HECW2: variants seen among roughly 807,000 people sequenced by gnomAD.
HECW2 encodes the protein E3 ubiquitin-protein ligase HECW2.
Under a neutral mutation model 175.2 loss-of-function variants are expected in HECW2, and 61 were observed. That is an observed-to-expected ratio of 0.35 (90% CI 0.28 to 0.43). The LOEUF (loss-of-function observed/expected upper bound fraction) is 0.43, where lower values mean the gene tolerates loss of function less well. Ranked by LOEUF, HECW2 falls within the 20% of genes least tolerant of loss-of-function variation. The pLI, the probability that HECW2 is intolerant of heterozygous loss-of-function variation, is 1.00. For synonymous variants in HECW2, 671 were observed against 731.0 expected (o/e 0.92, Z 1.32); for missense variants, 1,524 against 2,000.5 (o/e 0.76, Z 4.54).
chr2:196,287,683 A>G (rs1460334050), intron 14 of HECW2, among the ~76,000 whole-genome samples: 1 of 152,226 alleles, frequency 6.6e-6, no homozygotes, highest in Non-Finnish European at 1.5e-5. Context: ...TCTGCAGTAC[A>G]GCATCCACTG....
At chr2:196,245,390 C>G (rs1199692017) in intron 19 of HECW2, among the ~76,000 whole-genome samples, 1 of 152,082 alleles carries the variant, frequency 6.6e-6, no homozygotes, top group Non-Finnish European at 1.5e-5. Flanking sequence ...GGGATTTGAG[C>G]CAAGTCTATC....
Position 196,216,336 on chromosome 2 carries a change from G to C in HECW2, c.4495-359C>G, listed in dbSNP as rs189860355. On this transcript the variant is annotated intron_variant, in intron 27 of 28. Transcript: ENST00000644978. The stretch of plus-strand genomic sequence containing the variant: ...TTAGCATCAGTCCTTGATCAATGTC[G>C]GGTGAATTTAAAAAAGAGAATGTCT... Among the ~76,000 whole-genome samples the C allele has an allele frequency of 1.7e-3, 263 of 151,998 alleles. 1 individual carries two copies. Among genetic ancestry groups the C allele is most frequent in the African/African-American group, 6.0e-3 (249 of 41,396 alleles).
chr2:196,325,664 G>A (rs1212981108), intron 5 of HECW2, among the ~76,000 whole-genome samples: 4 of 152,138 alleles, frequency 2.6e-5, no homozygotes, highest in Non-Finnish European at 4.4e-5. Context: ...ATAGAACTAA[G>A]TTTAATTGGA....
At chr2:196,314,873 A>T (rs1173002791) in intron 10 of HECW2, among the ~76,000 whole-genome samples, 1 of 152,202 alleles carries the variant, frequency 6.6e-6, no homozygotes. Flanking sequence ...GACACCACAG[A>T]GTGTAGATGC....
chr2:196,204,712 C>T (rs1413254554), intron 28 of HECW2, among the ~76,000 whole-genome samples: 2 of 152,088 alleles, frequency 1.3e-5, no homozygotes, highest in Non-Finnish European at 2.9e-5. Context: ...ATTTGTTTTG[C>T]ATCAGTAGAA....
At chr2:196,414,657 G>T (rs748519995) in intron 2 of HECW2, among the ~76,000 whole-genome samples, 2 of 152,152 alleles carry the variant, frequency 1.3e-5, no homozygotes, top group Non-Finnish European at 2.9e-5. Context: ...TTCTGCCAGG[G>T]TCTTCCATCT....
chr2:196,511,465 G>A (rs950336248), intron 1 of HECW2, among the ~76,000 whole-genome samples: 1 of 152,118 alleles, frequency 6.6e-6, no homozygotes, highest in Non-Finnish European at 1.5e-5. Context: ...CTTCATTTTA[G>A]TCATCCGACA....
chr2:196,452,422 C>T (rs1696374889), intron 1 of HECW2, among the ~76,000 whole-genome samples: 1 of 152,112 alleles, frequency 6.6e-6, no homozygotes, highest in Non-Finnish European at 1.5e-5. Context: ...CAACTATACT[C>T]CCAACTCAGT....
At chr2:196,330,490 G>T (rs1378788251) in intron 4 of HECW2, among the ~76,000 whole-genome samples, 1 of 152,166 alleles carries the variant, frequency 6.6e-6, no homozygotes, top group Non-Finnish European at 1.5e-5. Flanking sequence ...TTATTTCCTT[G>T]AGCAAACTTT....
chr2:196,255,188 A>ACCATGTTGG (rs1689012586), intron 18 of HECW2, among the ~76,000 whole-genome samples: 1 of 96,874 alleles, frequency 1.0e-5, no homozygotes, highest in East Asian at 3.4e-4. Flanking sequence ...ATGGGGTTTC[A>ACCATGTTGG]CCATGTTGGC....
At chr2:196,461,571 C>A (rs1696744839) in intron 1 of HECW2, among the ~76,000 whole-genome samples, 1 of 152,140 alleles carries the variant, frequency 6.6e-6, no homozygotes, top group Non-Finnish European at 1.5e-5. Context: ...CAAGAACTGC[C>A]CAAGACTGGG....
chr2:196,261,138 C>G (rs1427801111), intron 17 of HECW2, among the ~76,000 whole-genome samples: 1 of 152,130 alleles, frequency 6.6e-6, no homozygotes, highest in Non-Finnish European at 1.5e-5. Context: ...CTGCCACTTA[C>G]GCACACTTCG....
intron 13 of HECW2, among the ~76,000 whole-genome samples, chr2:196,306,041 G>A (rs1691246692): frequency 6.6e-6 from 1 of 152,136 alleles, no homozygotes; most frequent in Non-Finnish European, 1.5e-5. Flanking sequence ...AATAGTATTA[G>A]GAGATGGGGG....
chr2:196,201,460 GTGTGTGTGTC>G, intron 28 of HECW2, 72 bp from the exon 29 acceptor site: 1 of 1,026,944 alleles, frequency 9.7e-7, no homozygotes, highest in Non-Finnish European at 1.5e-6. Flanking sequence ...GTGTGTGTGT[GTGTGTGTGTC>G]TGTGTGTGTA....
chr2:196,395,753 G>A (rs1694643809), intron 2 of HECW2, among the ~76,000 whole-genome samples: 1 of 151,876 alleles, frequency 6.6e-6, no homozygotes, highest in South Asian at 2.1e-4. Context: ...AGGATGTGGA[G>A]AAACTGGAAT....
chr2:196,482,504 C>G (rs1294228281), intron 1 of HECW2, among the ~76,000 whole-genome samples: 1 of 152,206 alleles, frequency 6.6e-6, no homozygotes, highest in Non-Finnish European at 1.5e-5. Flanking sequence ...TGGGGACAGC[C>G]AGCACCATGC....
chr2:196,535,050 CA>C (rs34284545), intron 1 of HECW2, among the ~76,000 whole-genome samples: 34,289 of 134,130 alleles, frequency 0.26, 5,226 homozygotes, highest in African/African-American at 0.46. Context: ...GTCAATATAA[CA>C]AAAAAAAAAA....
chr2:196,300,421 C>G (rs540011646), intron 13 of HECW2, among the ~76,000 whole-genome samples: 1 of 152,122 alleles, frequency 6.6e-6, no homozygotes, highest in Non-Finnish European at 1.5e-5. Context: ...TTGCAAATAG[C>G]ACAAACACAC....
At chr2:196,312,438 T>G (rs1691532765) in intron 10 of HECW2, among the ~76,000 whole-genome samples, 1 of 152,234 alleles carries the variant, frequency 6.6e-6, no homozygotes, top group South Asian at 2.1e-4. Flanking sequence ...TTATAAGCTT[T>G]GTGATAAATG....
Sources: allele counts gnomAD v4.1 joint callset (sites outside exome capture counted in the v4.1 genomes callset), GRCh38; gene constraint gnomAD v4.1.1; transcripts MANE v1.5; gene names NCBI Gene and HGNC (gene_info 2026-07-23, HGNC 2026-07-21).